FREM1: variants seen among roughly 807,000 people sequenced by gnomAD.
FREM1 encodes FRAS1-related extracellular matrix protein 1.
A neutral mutation model predicts 210.1 loss-of-function variants in FREM1; 220 were observed. The observed-to-expected ratio is 1.05, with a 90% CI of 0.94 to 1.17. The LOEUF is 1.17. FREM1 is among the 50% of genes most tolerant of loss of function. FREM1 has a pLI of 0.00. For synonymous variants in FREM1, 1,189 were observed against 980.2 expected (o/e 1.21, Z -3.98); for missense variants, 3,454 against 2,675.5 (o/e 1.29, Z -6.42).
chr9:14,768,603 C>T (rs1846906047), intron 27 of FREM1, among the ~76,000 whole-genome samples: 1 of 152,082 alleles, frequency 6.6e-6, no homozygotes, highest in Admixed American at 6.6e-5. Flanking sequence ...GTTAATAAAT[C>T]TGGGCCAGGC....
chr9:14,901,393 T>C (rs1323170610), intron 1 of FREM1, among the ~76,000 whole-genome samples: 1 of 152,216 alleles, frequency 6.6e-6, no homozygotes, highest in Non-Finnish European at 1.5e-5. Flanking sequence ...AGTGAAACAA[T>C]GGCCCTTATC....
At chr9:14,747,163 T>C in intron 33 of FREM1, 101 bp downstream of exon 33, 1 of 1,568,132 alleles carries the variant, frequency 6.4e-7, no homozygotes, top group Non-Finnish European at 8.8e-7. Flanking sequence ...TTGGGTAAAC[T>C]ATCCCCCCAA....
intron 35 of FREM1, among the ~76,000 whole-genome samples, chr9:14,742,405 A>C (rs1309390625): frequency 6.6e-6 from 1 of 152,186 alleles, no homozygotes; most frequent in African/African-American, 2.4e-5. Flanking sequence ...TGCCTGAGGA[A>C]ATGAGCAGAT....
intron 1 of FREM1, among the ~76,000 whole-genome samples, chr9:14,883,104 T>C (rs1244597386): frequency 6.6e-6 from 1 of 152,056 alleles, no homozygotes; most frequent in Non-Finnish European, 1.5e-5. Context: ...TGGGCCTGGA[T>C]GAAGGTGGCA....
chr9:14,808,460 C>T lies in FREM1; in HGVS notation c.2894-326G>A, dbSNP rs1354415626. On this transcript the variant is annotated intron_variant, in intron 16 of 36. Transcript: ENST00000380880. ...TTCACTAGTGAAGGTTTCATTCTTCCCTTATAATCATTTCATGTTATGACC... is the reference window on the plus strand; with the variant it reads ...TTCACTAGTGAAGGTTTCATTCTTCTCTTATAATCATTTCATGTTATGACC... Among the ~76,000 whole-genome samples, 4 of 152,084 alleles carry T rather than the reference C, an allele frequency of 2.6e-5. No individual in the cohort carries two copies. In the East Asian group the frequency reaches 7.7e-4, roughly 29 times the overall value.
chr9:14,876,400 G>C (rs1833752702), intron 1 of FREM1, among the ~76,000 whole-genome samples: 1 of 152,114 alleles, frequency 6.6e-6, no homozygotes, highest in South Asian at 2.1e-4. Context: ...CCCTCCCCCA[G>C]CCTCGCTGCC....
intron 16 of FREM1, 90 bp from the exon 17 acceptor site, chr9:14,808,224 A>G: frequency 2.6e-6 from 2 of 769,198 alleles, no homozygotes; most frequent in Non-Finnish European, 2.0e-6. Context: ...ACAAGCATTG[A>G]AACAGCAAGG....
chr9:14,849,678 G>A (rs1420245015), intron 6 of FREM1, among the ~76,000 whole-genome samples: 1 of 152,202 alleles, frequency 6.6e-6, no homozygotes, highest in Non-Finnish European at 1.5e-5. Context: ...TGTCTTTTTT[G>A]GAGGGGTAAT....
chr9:14,905,664 G>A (rs994504047), intron 1 of FREM1, among the ~76,000 whole-genome samples: 11 of 152,258 alleles, frequency 7.2e-5, no homozygotes, highest in East Asian at 3.9e-4. Flanking sequence ...CGAGGCTGGC[G>A]GATCACCTGA....
At chr9:14,849,910 C>G (rs752951126) in intron 6 of FREM1, among the ~76,000 whole-genome samples, 2 of 152,102 alleles carry the variant, frequency 1.3e-5, no homozygotes, top group Non-Finnish European at 2.9e-5. Context: ...TACTTCCTAA[C>G]AGGGAAGGCA....
chr9:14,779,348 A>G (rs1320529157), intron 24 of FREM1: 4 of 288,620 alleles, frequency 1.4e-5, no homozygotes, highest in African/African-American at 9.1e-5. Flanking sequence ...ATTAGCATTA[A>G]TTGTAGAGCT....
In FREM1 at chr9:14,738,291, C is replaced by G. The variant is rs149766816; in HGVS notation, c.6341-696G>C. On this transcript the variant is annotated intron_variant, in intron 36 of 36. Coordinates refer to ENST00000380880, the MANE Select transcript of FREM1 (RefSeq NM_001379081.2). ...AAAAAAGAATAAAATGAGAAAGGAA[C>G]TCCCTGCCATAGCATGATCCGACAT... 4.6e-5 allele frequency among the ~76,000 whole-genome samples: 7 copies of G among 152,290 alleles called. No individual in the cohort carries two copies. In the East Asian group the frequency reaches 1.2e-3, roughly 25 times the overall value.
At chr9:14,896,032 C>T (rs547428693) in intron 1 of FREM1, among the ~76,000 whole-genome samples, 1 of 152,216 alleles carries the variant, frequency 6.6e-6, no homozygotes, top group South Asian at 2.1e-4. Context: ...AGCATTCTTA[C>T]TCATAGGATG....
chr9:14,772,751 C>G (rs1374320170), intron 25 of FREM1, among the ~76,000 whole-genome samples: 2 of 152,048 alleles, frequency 1.3e-5, no homozygotes, highest in Non-Finnish European at 2.9e-5. Flanking sequence ...CTCCCACAAC[C>G]AAGTGGCCAG....
intron 3 of FREM1, among the ~76,000 whole-genome samples, chr9:14,861,343 A>ATATATACATATATACACATATATACACG: frequency 7.9e-6 from 1 of 126,326 alleles, no homozygotes; most frequent in Non-Finnish European, 1.6e-5. Context: ...ATATACACAT[A>ATATATACATATATACACATATATACACG]TATATACATA....
chr9:14,787,877 T>C (rs1850658552), intron 23 of FREM1, among the ~76,000 whole-genome samples: 3 of 152,192 alleles, frequency 2.0e-5, no homozygotes, highest in Admixed American at 2.0e-4. Flanking sequence ...CTAGCTTATC[T>C]GAAATCACTC....
In FREM1 at chr9:14,903,896, C is replaced by T. The variant is rs527371526; in HGVS notation, c.-268+6018G>A. 7.0e-4 allele frequency among the ~76,000 whole-genome samples: 106 copies of T among 152,002 alleles called. 1 individual carries two copies. Among genetic ancestry groups the T allele is most frequent in the Middle Eastern group, 6.8e-3 (2 of 292 alleles). On this transcript the variant is annotated intron_variant, in intron 1 of 36. Coordinates refer to ENST00000380880, the MANE Select transcript of FREM1 (RefSeq NM_001379081.2). ...CAGCACTTTGGAAGGCCGAGGCGGG[C>T]GGATCACGAGGTCAGGAGATCAAGA...
At chr9:14,818,374 C>G (rs1820686246) in intron 14 of FREM1, among the ~76,000 whole-genome samples, 1 of 152,198 alleles carries the variant, frequency 6.6e-6, no homozygotes, top group South Asian at 2.1e-4. Context: ...ACTAAACTGT[C>G]AGGATTAAAC....
At chr9:14,739,904 C>A (rs1188133364) in intron 36 of FREM1, among the ~76,000 whole-genome samples, 2 of 152,014 alleles carry the variant, frequency 1.3e-5, no homozygotes, top group African/African-American at 4.8e-5. Context: ...GCATTGAATT[C>A]TCTTGCCTGT....
Sources: allele counts gnomAD v4.1 joint callset (sites outside exome capture counted in the v4.1 genomes callset), GRCh38; gene constraint gnomAD v4.1.1; transcripts MANE v1.5; gene names NCBI Gene and HGNC (gene_info 2026-07-23, HGNC 2026-07-21).